Variants in SHB observed in about 807,000 individuals in gnomAD.
SHB encodes the protein SH2 domain-containing adapter protein B.
A neutral mutation model predicts 52.3 loss-of-function variants in SHB; 20 were observed. That is an observed-to-expected ratio of 0.38 (90% CI 0.27 to 0.56). The LOEUF is 0.56. SHB is among the 20% of genes least tolerant of loss of function. The probability of loss-of-function intolerance (pLI) is 0.71; values close to 1 mark genes in which losing one functional copy is unlikely to be tolerated. For missense variants in SHB, 825 were observed against 723.3 expected (o/e 1.14, Z -1.61); for synonymous variants, 397 against 316.5 (o/e 1.25, Z -2.70).
chr9:37,965,183 G>C (rs1042425270), intron 3 of SHB, among the ~76,000 whole-genome samples: 1 of 152,248 alleles, frequency 6.6e-6, no homozygotes. Context: ...ATGGCTGTGA[G>C]GGAGGCCAGG....
At chr9:37,970,883 C>T (rs1028461930) in intron 3 of SHB, among the ~76,000 whole-genome samples, 9 of 152,080 alleles carry the variant, frequency 5.9e-5, no homozygotes, top group African/African-American at 1.9e-4. Flanking sequence ...ACACTCTCCA[C>T]CCTTTGGAAA....
intron 1 of SHB, 48 bp from the exon 2 acceptor site, chr9:38,016,179 T>C: frequency 6.2e-7 from 1 of 1,607,104 alleles, no homozygotes; most frequent in Non-Finnish European, 8.5e-7. Flanking sequence ...GGCTTTTTTG[T>C]TTCACATCTC....
chr9:37,984,578 AT>A (rs1004175745), intron 2 of SHB, among the ~76,000 whole-genome samples: 13 of 149,984 alleles, frequency 8.7e-5, no homozygotes, highest in South Asian at 2.1e-4. Context: ...ACTTTCTGAC[AT>A]TTTTTTTTTA....
At chr9:38,002,803 C>T (rs1028209496) in intron 2 of SHB, among the ~76,000 whole-genome samples, 1 of 152,154 alleles carries the variant, frequency 6.6e-6, no homozygotes, top group East Asian at 1.9e-4. Context: ...AGTACTAGAT[C>T]CTGCAGACTC....
In SHB at chr9:37,955,974, C is replaced by A; in HGVS notation, c.1135G>T (p.Gly379Trp). Residue 379 changes from glycine (G) to tryptophan (W), a missense_variant, in exon 4 of 6, where the codon GGG (glycine) becomes TGG (tryptophan). Coordinates refer to ENST00000377707, the MANE Select transcript of SHB (RefSeq NM_003028.3). ...DRRRQLRAPG[G>W]GFKPIKHGSP... ...CCATGTTTGATAGGCTTAAAGCCCC[C>A]TCCAGGGGCACGAAGCTGGCGCCGC... 4 of 1,608,766 alleles carry A rather than the reference C, an allele frequency of 2.5e-6. No homozygotes were observed. Among genetic ancestry groups the A allele is most frequent in the Non-Finnish European group, 3.4e-6 (4 of 1,178,030 alleles).
intron 3 of SHB, among the ~76,000 whole-genome samples, chr9:37,967,455 G>A (rs560536093): frequency 3.9e-5 from 6 of 152,292 alleles, no homozygotes; most frequent in South Asian, 2.1e-4. Context: ...TGTCTAGTGC[G>A]TATCTAGCTA....
intron 1 of SHB, among the ~76,000 whole-genome samples, chr9:38,065,914 C>G (rs1357607061): frequency 6.6e-6 from 1 of 152,136 alleles, no homozygotes; most frequent in Non-Finnish European, 1.5e-5. Context: ...CCCTCCCTCA[C>G]AATAATGGCC....
intron 5 of SHB, among the ~76,000 whole-genome samples, chr9:37,936,325 C>A (rs1832371204): frequency 1.3e-5 from 2 of 152,246 alleles, no homozygotes; most frequent in African/African-American, 4.8e-5. Flanking sequence ...GCCATTTCAT[C>A]ACCACAGACA....
At chr9:38,031,357 A>T (rs1821410143) in intron 1 of SHB, among the ~76,000 whole-genome samples, 1 of 152,190 alleles carries the variant, frequency 6.6e-6, no homozygotes, top group Non-Finnish European at 1.5e-5. Context: ...ACGAAAAAAG[A>T]TAAAGACAAT....
At chr9:37,964,983 G>A (rs981745099) in intron 3 of SHB, among the ~76,000 whole-genome samples, 4 of 152,184 alleles carry the variant, frequency 2.6e-5, no homozygotes, top group African/African-American at 9.7e-5. Context: ...TATGTCTCCC[G>A]ACACTTTCAC....
At chr9:37,989,467 CA>C (rs975582759) in intron 2 of SHB, among the ~76,000 whole-genome samples, 2 of 152,132 alleles carry the variant, frequency 1.3e-5, no homozygotes, top group African/African-American at 4.8e-5. Flanking sequence ...GATCACCTGC[CA>C]GGGGTCAACC....
At chr9:37,949,624 C>T (rs1395605262) in intron 4 of SHB, among the ~76,000 whole-genome samples, 5 of 152,086 alleles carry the variant, frequency 3.3e-5, no homozygotes, top group East Asian at 1.9e-4. Flanking sequence ...GTGTGCAAGA[C>T]GTCCCGAAAT....
At chr9:38,055,666 A>C (rs1821804259) in intron 1 of SHB, among the ~76,000 whole-genome samples, 1 of 150,622 alleles carries the variant, frequency 6.6e-6, no homozygotes, top group African/African-American at 2.4e-5. Context: ...TCCAATACCC[A>C]CTCCTGGGCT....
chr9:38,028,453 C>A (rs1009129497), intron 1 of SHB, among the ~76,000 whole-genome samples: 1 of 152,168 alleles, frequency 6.6e-6, no homozygotes. Context: ...TGCTGGAAAC[C>A]CAGGCTTGCT....
At chr9:38,059,316 T>C (rs1821863033) in intron 1 of SHB, among the ~76,000 whole-genome samples, 2 of 146,158 alleles carry the variant, frequency 1.4e-5, no homozygotes, top group Admixed American at 7.1e-5. Flanking sequence ...GTATTACGTG[T>C]TGCTTGGAAA....
intron 5 of SHB, among the ~76,000 whole-genome samples, chr9:37,923,417 C>T (rs1478173098): frequency 6.6e-6 from 1 of 152,186 alleles, no homozygotes; most frequent in Non-Finnish European, 1.5e-5. Flanking sequence ...TTGGTGGAGC[C>T]CCCCAGCCTG....
rs1438574439 is a variant in SHB at position 38,069,050 on chromosome 9, CG to C, written c.-406del. The C allele has an allele frequency of 6.6e-6, 1 of 151,620 alleles. No individual in the cohort carries two copies. Among genetic ancestry groups the C allele is most frequent in the Non-Finnish European group, 1.5e-5 (1 of 67,888 alleles). The allele number at this position is 151,620 out of a possible 1,614,324, so 9.4% of individuals were successfully genotyped here. A position where few individuals can be genotyped will look rare whatever the true frequency, so the allele number is the denominator to read the frequency against. On this transcript the variant is annotated 5_prime_UTR_variant, in exon 1 of 6. Coordinates refer to ENST00000377707, the MANE Select transcript of SHB (RefSeq NM_003028.3). Reference sequence around the variant, plus strand: ...CCTTGGCCGGGATCCGCGGCTGCCGCGGGAACTTCTCGGCGTCCTCGGCTCC... The same window carrying C: ...CCTTGGCCGGGATCCGCGGCTGCCGCGGAACTTCTCGGCGTCCTCGGCTCC...
At chr9:38,024,605 G>A (rs1488057115) in intron 1 of SHB, among the ~76,000 whole-genome samples, 1 of 152,154 alleles carries the variant, frequency 6.6e-6, no homozygotes, top group Non-Finnish European at 1.5e-5. Context: ...GTGGGTCCTG[G>A]GTAGGAGGCT....
intron 4 of SHB, among the ~76,000 whole-genome samples, chr9:37,954,932 G>C (rs1467758406): frequency 1.3e-5 from 2 of 152,022 alleles, no homozygotes; most frequent in African/African-American, 4.8e-5. Context: ...GCACAGTGCT[G>C]GGGGGCAGCA....
Sources: allele counts gnomAD v4.1 joint callset (sites outside exome capture counted in the v4.1 genomes callset), GRCh38; gene constraint gnomAD v4.1.1; transcripts MANE v1.5; gene names NCBI Gene and HGNC (gene_info 2026-07-23, HGNC 2026-07-21).